The following GRM5 variants were observed in gnomAD, a reference collection of about 807,000 sequenced individuals.
GRM5 encodes glutamate metabotropic receptor 5.
Under a neutral mutation model 83.1 loss-of-function variants are expected in GRM5, and 19 were observed. The ratio of observed to expected loss-of-function variants is 0.23; its 90% confidence interval spans 0.16 to 0.34. The LOEUF (loss-of-function observed/expected upper bound fraction) is 0.34. Ranked by LOEUF, GRM5 falls within the 10% of genes least tolerant of loss-of-function variation. The pLI is 1.00. For missense variants in GRM5, 1,160 were observed against 1,588.3 expected, an observed-to-expected ratio of 0.73 and a Z score of 4.58; for synonymous variants, 675 against 633.6, an observed-to-expected ratio of 1.07 and a Z score of -0.98.
rs960203246 is a variant in GRM5, at chr11:88,509,296, C to T, written c.2935G>A (p.Gly979Ser). 4.0e-6 allele frequency: 6 copies of T among 1,501,068 alleles called. No homozygotes were observed. Among genetic ancestry groups the T allele is most frequent in the Non-Finnish European group, 2.7e-6 (3 of 1,129,270 alleles). 93.0% of individuals were successfully genotyped at this position (1,501,068 alleles called of 1,614,324 possible). The change falls in exon 10 of 10, where the codon GGT (glycine) becomes AGT (serine). Residue 979 changes from glycine to serine, a missense_variant. By Grantham distance (56) the Gly-to-Ser change is moderately conservative. Around this residue, in one of 9 missense-constraint regions of GRM5, gnomAD observed 562 missense variants for 532.4 expected, o/e 1.06. Transcript: ENST00000305447. The part of the protein sequence containing the change: ...GSAGGVGATG[G>S]AGCAGAGPGG... The stretch of plus-strand genomic sequence containing the variant: ...GGGCCGGCGCCTGCGCAGCCCGCAC[C>T]GCCCGTGGCCCCCACGCCCCCAGCG...
At chr11:88,793,593 A>C (rs1019872732) in intron 3 of GRM5, among the ~76,000 whole-genome samples, 1 of 152,204 alleles carries the variant, frequency 6.6e-6, no homozygotes, top group Non-Finnish European at 1.5e-5. Context: ...TAACATTCCT[A>C]ATGTGGATAT....
chr11:88,551,825 A>G (rs1942516869), intron 8 of GRM5, among the ~76,000 whole-genome samples: 1 of 152,168 alleles, frequency 6.6e-6, no homozygotes. Context: ...CAATCAATGG[A>G]AGATCATGGT....
At chr11:89,031,962 T>C (rs1446398846) in intron 2 of GRM5, among the ~76,000 whole-genome samples, 2 of 151,956 alleles carry the variant, frequency 1.3e-5, no homozygotes, top group African/African-American at 4.8e-5. Flanking sequence ...ATAAGAAAAA[T>C]AGTATTAACA....
chr11:88,864,214 A>G (rs1195410275), intron 2 of GRM5, among the ~76,000 whole-genome samples: 1 of 150,616 alleles, frequency 6.6e-6, no homozygotes, highest in Admixed American at 6.7e-5. Flanking sequence ...AAGTAGGCTA[A>G]GATTACAAGG....
chr11:89,023,055 A>C (rs1436092155), intron 2 of GRM5, among the ~76,000 whole-genome samples: 2 of 152,032 alleles, frequency 1.3e-5, no homozygotes, highest in African/African-American at 4.8e-5. Flanking sequence ...TTTTTTTCCA[A>C]ACAGTGATGT....
At chr11:88,885,552 A>G (rs952623388) in intron 2 of GRM5, among the ~76,000 whole-genome samples, 2 of 138,910 alleles carry the variant, frequency 1.4e-5, no homozygotes, top group African/African-American at 2.7e-5. Flanking sequence ...ATAGTACAGT[A>G]TCCCTCCTTA....
At chr11:88,712,391 T>C (rs1941302265) in intron 3 of GRM5, among the ~76,000 whole-genome samples, 1 of 152,054 alleles carries the variant, frequency 6.6e-6, no homozygotes, top group Non-Finnish European at 1.5e-5. Context: ...GTGTTTGTTA[T>C]GGTTTGGTAG....
chr11:88,526,205 C>T (rs769250622), intron 8 of GRM5, among the ~76,000 whole-genome samples: 2 of 152,114 alleles, frequency 1.3e-5, no homozygotes, highest in African/African-American at 4.8e-5. Context: ...TTTGAAGATA[C>T]CAGATATTTC....
chr11:88,638,453 T>C (rs1378668768), intron 4 of GRM5, among the ~76,000 whole-genome samples: 1 of 152,036 alleles, frequency 6.6e-6, no homozygotes, highest in African/African-American at 2.4e-5. Context: ...TTGTTTTCCA[T>C]GAGATATTTT....
chr11:88,572,671 C>A (rs1389415697), intron 7 of GRM5, among the ~76,000 whole-genome samples: 1 of 152,050 alleles, frequency 6.6e-6, no homozygotes, highest in East Asian at 1.9e-4. Flanking sequence ...GTGATAACTA[C>A]CCTTACTATG....
At chr11:88,749,626 A>G (rs1942221292) in intron 3 of GRM5, among the ~76,000 whole-genome samples, 1 of 152,106 alleles carries the variant, frequency 6.6e-6, no homozygotes, top group Admixed American at 6.6e-5. Context: ...ATATCAAGCC[A>G]TAGACACATA....
At chr11:89,020,817 T>C (rs1441358848) in intron 2 of GRM5, among the ~76,000 whole-genome samples, 3 of 152,220 alleles carry the variant, frequency 2.0e-5, no homozygotes, top group African/African-American at 7.2e-5. Flanking sequence ...TATTAATCAT[T>C]ATCTCATTTA....
chr11:88,794,130 G>C (rs1355318465), intron 3 of GRM5, among the ~76,000 whole-genome samples: 1 of 152,054 alleles, frequency 6.6e-6, no homozygotes, highest in Non-Finnish European at 1.5e-5. Context: ...TAATATAATG[G>C]TTTGGAATCC....
chr11:89,043,090 G>A (rs1941568099), intron 2 of GRM5, among the ~76,000 whole-genome samples: 1 of 152,136 alleles, frequency 6.6e-6, no homozygotes, highest in South Asian at 2.1e-4. Flanking sequence ...TTTTTATAAA[G>A]AAGCAAAACT....
rs1317678929 is a variant in GRM5, at chr11:89,014,018, C to A, written c.661+33194G>T. 4.6e-5 allele frequency among the ~76,000 whole-genome samples: 7 copies of A among 152,122 alleles called. No homozygotes were observed. The East Asian group carries it at 1.3e-3, about 29-fold the overall frequency. ...ATTTTTTATTCTAGTTCAGAAGAGA[C>A]AGTGTGCCCAACATCAGTAAGTCAG... On this transcript the variant is annotated intron_variant, in intron 2 of 9. Coordinates refer to ENST00000305447, the MANE Select transcript of GRM5 (RefSeq NM_001143831.3).
chr11:88,685,545 G>A (rs1476151705), intron 3 of GRM5, among the ~76,000 whole-genome samples: 3 of 152,166 alleles, frequency 2.0e-5, no homozygotes, highest in Non-Finnish European at 4.4e-5. Flanking sequence ...AAGACAATGG[G>A]GAAAATGTCT....
Position 88,871,495 on chromosome 11 carries a change from G to GTT in GRM5, c.662-21341_662-21340insAA, listed in dbSNP as rs1944767543. 1.3e-5 allele frequency among the ~76,000 whole-genome samples: 2 copies of GTT among 151,606 alleles called. 1 individual carries two copies. The stretch of plus-strand genomic sequence containing the variant: ...AACTAGGACTGAAAGAAGGCAGCAA[G>GTT]ACATGGTGGTTAGTAACCTGTAGCA... On this transcript the variant is annotated intron_variant, in intron 2 of 9. Transcript: ENST00000305447.
intron 3 of GRM5, among the ~76,000 whole-genome samples, chr11:88,745,378 G>A (rs1942115718): frequency 2.3e-5 from 2 of 86,390 alleles, no homozygotes; most frequent in Non-Finnish European, 5.3e-5. Context: ...AGCTAATATT[G>A]TATTTTTTGT....
intron 4 of GRM5, among the ~76,000 whole-genome samples, chr11:88,630,113 G>A (rs1938921495): frequency 6.6e-6 from 1 of 151,928 alleles, no homozygotes; most frequent in Non-Finnish European, 1.5e-5. Context: ...CACTTTCTGG[G>A]CTTTATACAA....
Sources: gnomAD v4.1 joint callset for allele counts (sites outside exome capture counted in the v4.1 genomes callset) on GRCh38, gnomAD v4.1.1 for gene constraint, gnomAD v4.1.1 regional missense constraint, MANE v1.5 for transcripts, NCBI Gene and HGNC (gene_info 2026-07-23, HGNC 2026-07-21) for gene names.